ADRA1B: variants seen among roughly 807,000 people sequenced by gnomAD.
ADRA1B encodes alpha-1B adrenergic receptor.
In ADRA1B, 17 loss-of-function variants were observed where a neutral mutation model predicts 17.9. The observed-to-expected ratio is 0.95, with a 90% CI of 0.65 to 1.42. The LOEUF (loss-of-function observed/expected upper bound fraction) is 1.42. Among genes scored for constraint, ADRA1B ranks in the 40% most tolerant of loss-of-function variants. The pLI is 0.00. For synonymous variants in ADRA1B, 366 were observed against 327.6 expected, an observed-to-expected ratio of 1.12 and a Z score of -1.27; for missense variants, 681 against 722.1, an observed-to-expected ratio of 0.94 and a Z score of 0.65.
rs955492373 is a variant in ADRA1B at position 159,918,760 on chromosome 5, G to A, written c.949+906G>A. 2.6e-5 allele frequency among the ~76,000 whole-genome samples: 4 copies of A among 152,210 alleles called. No homozygotes were observed. The East Asian group carries it at 7.7e-4, about 29-fold the overall frequency. On this transcript the variant is annotated intron_variant, in intron 1 of 1. Transcript: ENST00000306675. ...TAAGGAAGAAGCCAAGGTCTGGTTA[G>A]CAGGTAAACCTAAAGGGGGGCATCT...
upstream of ADRA1B, among the ~76,000 whole-genome samples, chr5:159,914,702 AAAAAT>A (rs1489245849): frequency 1.4e-4 from 22 of 152,262 alleles, no homozygotes; most frequent in African/African-American, 5.1e-4. Flanking sequence ...CTCAAAAAAT[AAAAAT>A]AAAAAGAGGT....
intron 1 of ADRA1B, 61 bp from the exon 2 acceptor site, chr5:159,971,818 G>A (rs1332315586): frequency 7.6e-7 from 1 of 1,308,456 alleles, no homozygotes; most frequent in Admixed American, 3.1e-5. Flanking sequence ...ATTGGGGCGA[G>A]AGCTTGACTA....
chr5:159,914,904 G>A (rs1000498324), upstream of ADRA1B, among the ~76,000 whole-genome samples: 1 of 152,202 alleles, frequency 6.6e-6, no homozygotes. Flanking sequence ...AGCTGCCACT[G>A]CCCATTGCTC....
intron 1 of ADRA1B, among the ~76,000 whole-genome samples, chr5:159,940,379 G>A (rs1260030508): frequency 6.6e-6 from 1 of 152,072 alleles, no homozygotes; most frequent in Non-Finnish European, 1.5e-5. Flanking sequence ...CCCCCTCCAA[G>A]TGACATGTGA....
chr5:159,884,230 C>CTA (rs1753899635), intron 1 of ADRA1B, among the ~76,000 whole-genome samples: 1 of 152,192 alleles, frequency 6.6e-6, no homozygotes, highest in African/African-American at 2.4e-5. Context: ...AAATGGCATG[C>CTA]TATTATGTTT....
At chr5:159,874,187 C>T (rs918705799) in intron 1 of ADRA1B, among the ~76,000 whole-genome samples, 3 of 152,192 alleles carry the variant, frequency 2.0e-5, no homozygotes, top group African/African-American at 7.2e-5. Context: ...ATTTCTAATA[C>T]CAGCCCCTAG....
intron 1 of ADRA1B, chr5:159,887,932 T>C (rs1581020515): frequency 6.6e-6 from 1 of 152,152 alleles, no homozygotes; most frequent in Non-Finnish European, 1.5e-5. Context: ...ACCCCTCACT[T>C]CAAGCAGTGT....
intron 1 of ADRA1B, among the ~76,000 whole-genome samples, chr5:159,893,808 A>G (rs1419253990): frequency 3.3e-5 from 5 of 152,144 alleles, no homozygotes; most frequent in Non-Finnish European, 5.9e-5. Context: ...GGCTGCCCTG[A>G]TGGGTCAGGA....
chr5:159,898,243 C>T (rs1441956532), intron 1 of ADRA1B, among the ~76,000 whole-genome samples: 1 of 152,176 alleles, frequency 6.6e-6, no homozygotes, highest in Non-Finnish European at 1.5e-5. Flanking sequence ...CCCTGCTGCC[C>T]CCACAACCCT....
At chr5:159,918,994 T>C (rs1000027053) in intron 1 of ADRA1B, among the ~76,000 whole-genome samples, 3 of 152,130 alleles carry the variant, frequency 2.0e-5, no homozygotes, top group Non-Finnish European at 4.4e-5. Context: ...GAGTCTCAGG[T>C]CAGACCCAAA....
intron 1 of ADRA1B, chr5:159,870,280 T>A (rs1013956610): frequency 1.2e-4 from 18 of 152,296 alleles, no homozygotes; most frequent in African/African-American, 4.1e-4. Context: ...TTATTTTAAG[T>A]CCACAGAGAA....
chr5:159,877,826 T>C (rs1276923038), intron 1 of ADRA1B, among the ~76,000 whole-genome samples: 1 of 152,208 alleles, frequency 6.6e-6, no homozygotes, highest in Non-Finnish European at 1.5e-5. Flanking sequence ...CTCAGATCTC[T>C]TTAGTTGAAA....
intron 1 of ADRA1B, among the ~76,000 whole-genome samples, chr5:159,887,797 A>C (rs543124707): frequency 6.6e-6 from 1 of 152,134 alleles, no homozygotes; most frequent in African/African-American, 2.4e-5. Flanking sequence ...TAGAGGTGGA[A>C]TATATAGACG....
At position 159,971,877 on chromosome 5, in the gene ADRA1B, A is replaced by T; in HGVS notation, c.950-2A>T. ...CCGTGCCCACCCCCCTCCCCACTGC[A>T]GGCTCCTTGTTCTCCACCCTGAAGC... On this transcript the variant is annotated splice_acceptor_variant, in intron 1 of 1. Transcript: ENST00000306675. LOFTEE classifies it high-confidence loss of function. The T allele has an allele frequency of 2.6e-6, 1 of 385,062 alleles. No individual in the cohort carries two copies. Among genetic ancestry groups the T allele is most frequent in the Non-Finnish European group, 4.1e-6 (1 of 242,742 alleles). The allele number at this position is 385,062 out of a possible 1,614,324, so 23.9% of individuals were successfully genotyped here. A position where few individuals can be genotyped will look rare whatever the true frequency, so the allele number is the denominator to read the frequency against.
intron 1 of ADRA1B, among the ~76,000 whole-genome samples, chr5:159,927,886 G>T (rs1171105771): frequency 6.6e-6 from 1 of 152,118 alleles, no homozygotes; most frequent in African/African-American, 2.4e-5. Context: ...GCCATCATCC[G>T]TTTAAAAAGG....
At chr5:159,899,263 AAAGGAAGGAAGGAAGGAAGG>A (rs199633101) in intron 1 of ADRA1B, among the ~76,000 whole-genome samples, 5 of 106,408 alleles carry the variant, frequency 4.7e-5, no homozygotes, top group South Asian at 3.5e-4. Flanking sequence ...AGGAAGGAAG[AAAGGAAGGAAGGAAGGAAGG>A]AAGGAAGGAA....
intron 1 of ADRA1B, chr5:159,866,753 G>T (rs896653888): frequency 6.6e-6 from 1 of 152,104 alleles, no homozygotes; most frequent in Admixed American, 6.5e-5. Flanking sequence ...TCTGGGGCAA[G>T]AATTTTCTGC....
chr5:159,920,070 G>A (rs571541892), intron 1 of ADRA1B, among the ~76,000 whole-genome samples: 3 of 152,310 alleles, frequency 2.0e-5, no homozygotes, highest in African/African-American at 7.2e-5. Context: ...AACAATGGTA[G>A]CTGCCTGGGC....
intron 1 of ADRA1B, among the ~76,000 whole-genome samples, chr5:159,944,757 T>G (rs1269114718): frequency 6.6e-6 from 1 of 152,038 alleles, no homozygotes; most frequent in African/African-American, 2.4e-5. Context: ...TTTACAGATA[T>G]GGAAATTGAA....
Sources: gnomAD v4.1 joint callset for allele counts (sites outside exome capture counted in the v4.1 genomes callset) on GRCh38, gnomAD v4.1.1 for gene constraint, MANE v1.5 for transcripts, NCBI Gene and HGNC (gene_info 2026-07-23, HGNC 2026-07-21) for gene names.